Variants in HLA-DQA1 observed in about 807,000 individuals in gnomAD.
The protein encoded by HLA-DQA1 is HLA class II histocompatibility antigen, DQ alpha 1 chain.
A neutral mutation model predicts 20.7 loss-of-function variants in HLA-DQA1; 10 were observed. The ratio of observed to expected loss-of-function variants is 0.48; its 90% confidence interval spans 0.30 to 0.82. The LOEUF is 0.82. Ranked by LOEUF, HLA-DQA1 falls within the 40% of genes least tolerant of loss-of-function variation. The pLI is 0.07. For missense variants in HLA-DQA1, 127 were observed against 293.0 expected (o/e 0.43, Z 4.14); for synonymous variants, 39 against 109.2 (o/e 0.36, Z 4.01).
downstream of HLA-DQA1, chr6:32,646,283 T>C (rs1000401500): frequency 6.7e-6 from 1 of 149,464 alleles, no homozygotes; most frequent in Non-Finnish European, 1.5e-5. Context: ...ACAAAATTAG[T>C]GGGTCACAGA....
At chr6:32,655,269 A>AC in the HLA-DQA1 span, among the ~76,000 whole-genome samples, 1 of 128,078 alleles carries the variant, frequency 7.8e-6, no homozygotes, top group African/African-American at 2.9e-5. Flanking sequence ...GTTTTTTAAA[A>AC]TCACCTCTTA....
downstream of HLA-DQA1, chr6:32,643,928 C>T (rs79088280): frequency 0.022 from 3,405 of 151,444 alleles, 77 homozygotes; most frequent in African/African-American, 0.042. Context: ...CAGTCTGCCT[C>T]ACCTCCTGAA....
At chr6:32,654,405 T>C in the HLA-DQA1 span, among the ~76,000 whole-genome samples, 6,160 of 111,460 alleles carry the variant, frequency 0.055, 334 homozygotes, top group Middle Eastern at 0.081. Flanking sequence ...TTTCTCAGCA[T>C]CCATGAGAGA....
downstream of HLA-DQA1, among the ~76,000 whole-genome samples, chr6:32,650,096 A>G (rs1782119600): frequency 2.3e-5 from 1 of 43,360 alleles, no homozygotes; most frequent in African/African-American, 7.0e-5. Flanking sequence ...CACATAAAAA[A>G]TGCTCATCAT....
At position 32,642,029 on chromosome 6, in the gene HLA-DQA1, C is replaced by A. The variant is rs707952; in HGVS notation, c.389C>A (p.Thr130Asn). The change falls in exon 3 of 5, where the codon ACC becomes AAC. Residue 130 changes from threonine to asparagine, a missense_variant. Thr to Asn is a moderately conservative substitution (Grantham distance 65). Around this residue, in one of 4 missense-constraint regions of HLA-DQA1, gnomAD observed 30 missense variants for 39.9 expected, o/e 0.75. Coordinates refer to ENST00000343139, the MANE Select transcript of HLA-DQA1 (RefSeq NM_002122.5). ...CCCGTGACACTGGGTCAGCCCAACA[C>A]CCTCATTTGTCTTGTGGACAACATC... ...KSPVTLGQPN[T>N]LICLVDNIFP... is the part of the protein sequence containing the mutation. The A allele has an allele frequency of 6.7e-7, 1 of 1,495,548 alleles. No individual in the cohort carries two copies. Among genetic ancestry groups the A allele is most frequent in the Non-Finnish European group, 9.0e-7 (1 of 1,109,346 alleles). The allele number at this position is 1,495,548 out of a possible 1,614,324, so 92.6% of individuals were successfully genotyped here.
intron 1 of HLA-DQA1, among the ~76,000 whole-genome samples, chr6:32,640,691 G>T: frequency 8.8e-6 from 1 of 114,262 alleles, no homozygotes; most frequent in Non-Finnish European, 1.9e-5. Context: ...TTAGAAGGAG[G>T]CATTGTTTAT....
downstream of HLA-DQA1, among the ~76,000 whole-genome samples, chr6:32,647,820 A>C (rs17612604): frequency 0.57 from 85,357 of 150,600 alleles, 24,432 homozygotes; most frequent in Middle Eastern, 0.7. Flanking sequence ...TTCATCAAAA[A>C]TGCAAAAATG....
chr6:32,648,185 G>A (rs1378666247), downstream of HLA-DQA1, among the ~76,000 whole-genome samples: 3 of 97,820 alleles, frequency 3.1e-5, 1 homozygote, highest in Non-Finnish European at 6.8e-5. Context: ...TGAAAGAGAA[G>A]ATGAGAATTT....
At chr6:32,645,347 C>G (rs9273165), downstream of HLA-DQA1, 8,772 of 140,354 alleles carry the variant, frequency 0.062, 431 homozygotes, top group South Asian at 0.075. Flanking sequence ...GGGGTATGAT[C>G]TGGGGATGAA....
At chr6:32,639,438 C>T (rs1455664613) in intron 1 of HLA-DQA1, 3 of 98,308 alleles carry the variant, frequency 3.1e-5, no homozygotes, top group Non-Finnish European at 6.8e-5. Flanking sequence ...CATGACTGAT[C>T]CTGGCCTTCG....
Position 32,637,643 on chromosome 6 carries a change from C to T in HLA-DQA1, c.82+103C>T, listed in dbSNP as rs9272445. On this transcript the variant is annotated intron_variant, in intron 1 of 4. Transcript: ENST00000343139. Reference sequence around the variant, plus strand: ...AGAAACTGTAGAGATTTCCTAAGGGCCCTTTCAGTATTAAGACAATTAAAA... The same window carrying T: ...AGAAACTGTAGAGATTTCCTAAGGGTCCTTTCAGTATTAAGACAATTAAAA... 1.8e-3 allele frequency: 929 copies of T among 520,096 alleles called. 21 individuals carry two copies. The highest frequency in any genetic ancestry group is 6.3e-3 in the Admixed American group (166 of 26,178). The allele number at this position is 520,096 out of a possible 1,614,324, so 32.2% of individuals were successfully genotyped here. A position where few individuals can be genotyped will look rare whatever the true frequency, so the allele number is the denominator to read the frequency against.
At chr6:32,647,185 C>CTTCTCTCTAATACTGTTG (rs1582016752), downstream of HLA-DQA1, 4 of 112,162 alleles carry the variant, frequency 3.6e-5, no homozygotes, top group Admixed American at 1.0e-4. Context: ...ACATGGTACT[C>CTTCTCTCTAATACTGTTG]AGCCAGGCGC....
In HLA-DQA1 at chr6:32,639,986, A is replaced by T. The variant is rs2150961726; in HGVS notation, c.83-1324A>T. On this transcript the variant is annotated intron_variant, in intron 1 of 4. Transcript: ENST00000343139. ...TGGAGGTCATAATGTGGTCAAAAAC[A>T]TGTTGATGAGAGGACTCAGCTACAA... 4.1e-5 allele frequency: 4 copies of T among 97,830 alleles called. 2 individuals are homozygous for T. Among genetic ancestry groups the T allele is most frequent in the Middle Eastern group, 0.014 (2 of 146 alleles). 6.1% of individuals were successfully genotyped at this position (97,830 alleles called of 1,614,324 possible).
chr6:32,651,394 C>G (rs539981616), downstream of HLA-DQA1, among the ~76,000 whole-genome samples: 9 of 81,546 alleles, frequency 1.1e-4, 3 homozygotes, highest in South Asian at 3.7e-3. Flanking sequence ...ACCATCCTGG[C>G]TAACACGGTG....
At chr6:32,653,070 C>T in the HLA-DQA1 span, among the ~76,000 whole-genome samples, 2 of 148,488 alleles carry the variant, frequency 1.3e-5, no homozygotes, top group Admixed American at 1.4e-4. Flanking sequence ...GGTTTCATCA[C>T]CTAAGGCAAT....
chr6:32,650,249 G>A (rs1358242627), downstream of HLA-DQA1, among the ~76,000 whole-genome samples: 2 of 96,944 alleles, frequency 2.1e-5, no homozygotes, highest in African/African-American at 7.1e-5. Flanking sequence ...ACTGTTGGTG[G>A]GAGTGTAAAT....
At position 32,641,399 on chromosome 6, in the gene HLA-DQA1, T is replaced by C; in HGVS notation, c.172T>C (p.Phe58Leu). 8.8e-7 allele frequency: 1 copy of C among 1,131,862 alleles called. No individual in the cohort carries two copies. The highest frequency in any genetic ancestry group is 1.2e-5 in the South Asian group (1 of 80,002). 70.1% of individuals were successfully genotyped at this position (1,131,862 alleles called of 1,614,324 possible). A position where few individuals can be genotyped will look rare whatever the true frequency, so the allele number is the denominator to read the frequency against. ...CCATGAATTTGATGGAGATGAGCAG[T>C]TCTACGTGGACCTGGAGAGGAAGGA... ...YTHEFDGDEQ[F>L]YVDLERKETA... Residue 58 changes from phenylalanine to leucine, a missense_variant, in exon 2 of 5, where the codon TTC becomes CTC. Phe to Leu is a conservative substitution (Grantham distance 22). Coordinates refer to ENST00000343139, the MANE Select transcript of HLA-DQA1 (RefSeq NM_002122.5).
chr6:32,655,166 T>TCC, the HLA-DQA1 span, among the ~76,000 whole-genome samples: 44,085 of 109,256 alleles, frequency 0.4, 8,493 homozygotes, highest in Middle Eastern at 0.49. Flanking sequence ...ACCCTGTAAA[T>TCC]GCAGTTATTT....
chr6:32,655,269 A>ACC, the HLA-DQA1 span, among the ~76,000 whole-genome samples: 2 of 128,078 alleles, frequency 1.6e-5, no homozygotes, highest in South Asian at 2.6e-4. Flanking sequence ...GTTTTTTAAA[A>ACC]TCACCTCTTA....
Sources: allele counts gnomAD v4.1 joint callset (sites outside exome capture counted in the v4.1 genomes callset), GRCh38; gene constraint gnomAD v4.1.1; regional missense constraint gnomAD v4.1.1; transcripts MANE v1.5; gene names NCBI Gene and HGNC (gene_info 2026-07-23, HGNC 2026-07-21).